Variants in TMPRSS9 observed in about 807,000 individuals in gnomAD.
The protein encoded by TMPRSS9 is transmembrane protease serine 9.
In TMPRSS9, 113 loss-of-function variants were observed where a neutral mutation model predicts 111.4. The ratio of observed to expected loss-of-function variants is 1.01; its 90% CI spans 0.87 to 1.19. The LOEUF (loss-of-function observed/expected upper bound fraction) is 1.19, where lower values mean the gene tolerates loss of function less well. TMPRSS9 is among the 50% of genes most tolerant of loss of function. The pLI, the probability that TMPRSS9 is intolerant of heterozygous loss-of-function variation, is 0.00. For missense variants in TMPRSS9, 1,803 were observed against 1,513.1 expected, an observed-to-expected ratio of 1.19 and a Z score of -3.18; for synonymous variants, 805 against 659.1, an observed-to-expected ratio of 1.22 and a Z score of -3.39.
chr19:2,405,639 GCC>G (rs1970952905), intron 7 of TMPRSS9, 94 bp downstream of exon 8: 1 of 1,308,620 alleles, frequency 7.6e-7, no homozygotes, highest in Admixed American at 3.1e-5. Context: ...TTTCCTTAGA[GCC>G]CCTGGAAGTA....
intron 7 of TMPRSS9, among the ~76,000 whole-genome samples, chr19:2,407,333 C>G (rs948937992): frequency 1.3e-5 from 2 of 151,366 alleles, no homozygotes; most frequent in Non-Finnish European, 2.9e-5. Flanking sequence ...ACCAGCCTGG[C>G]CAACATGGTG....
chr19:2,363,403 C>T (rs1029274805), intron 1 of TMPRSS9, among the ~76,000 whole-genome samples: 5 of 149,982 alleles, frequency 3.3e-5, no homozygotes, highest in South Asian at 2.1e-4. Context: ...TTTGCGGAGA[C>T]GTGGAGGCAT....
At chr19:2,403,627 C>T (rs1242182915) in intron 6 of TMPRSS9, among the ~76,000 whole-genome samples, 2 of 151,036 alleles carry the variant, frequency 1.3e-5, no homozygotes, top group Admixed American at 1.3e-4. Context: ...GAGGCCAAGG[C>T]AGGAGGATCA....
At chr19:2,406,206 G>A (rs1189761481) in intron 7 of TMPRSS9, among the ~76,000 whole-genome samples, 1 of 150,102 alleles carries the variant, frequency 6.7e-6, no homozygotes, top group Admixed American at 6.7e-5. Context: ...TTTTAGTAGA[G>A]TCGGGGTTTC....
chr19:2,387,423 A>G (rs1340444727), upstream of TMPRSS9, among the ~76,000 whole-genome samples: 1 of 152,066 alleles, frequency 6.6e-6, no homozygotes, highest in Non-Finnish European at 1.5e-5. Context: ...TGAACCTGGG[A>G]GGCAGAGGTT....
chr19:2,374,285 TA>T (rs1970313239), intron 1 of TMPRSS9, among the ~76,000 whole-genome samples: 1 of 108,522 alleles, frequency 9.2e-6, no homozygotes, highest in Non-Finnish European at 1.8e-5. Flanking sequence ...TTTTTTTTTT[TA>T]AAGAGGTAGG....
intron 11 of TMPRSS9, 159 bp from the exon 13 acceptor site, chr19:2,416,379 T>C (rs12462262): frequency 0.19 from 184,770 of 960,700 alleles, 18,856 homozygotes; most frequent in African/African-American, 0.23. Flanking sequence ...GCAGCCCCTC[T>C]TTCCCTGGTC....
intron 1 of TMPRSS9, among the ~76,000 whole-genome samples, chr19:2,371,811 C>T (rs751382222): frequency 6.6e-6 from 1 of 152,082 alleles, no homozygotes; most frequent in African/African-American, 2.4e-5. Flanking sequence ...CAGGGACTCT[C>T]ACCCCATCAC....
chr19:2,417,999 T>C lies in TMPRSS9; in HGVS notation c.2018-3T>C. The C allele has an allele frequency of 2.5e-6, 4 of 1,611,178 alleles. No homozygotes were observed. Among genetic ancestry groups the C allele is most frequent in the East Asian group, 4.5e-5 (2 of 44,850 alleles). ...GTGGCCTTTCTGGCTCTTTCCCTGG[T>C]AGCCACCAAGCCCGAGCTCCTGCAG... On this transcript the variant is annotated splice_polypyrimidine_tract_variant and splice_region_variant and intron_variant, in intron 12 of 17. Transcript: ENST00000648592.
intron 15 of TMPRSS9, among the ~76,000 whole-genome samples, 154 bp from the exon 17 acceptor site, chr19:2,424,848 T>G (rs1568194649): frequency 6.6e-6 from 1 of 151,762 alleles, no homozygotes; most frequent in Non-Finnish European, 1.5e-5. Flanking sequence ...CGGTGCCTGA[T>G]GGGGGAGACT....
At chr19:2,401,018 T>C (rs1599295377) in intron 4 of TMPRSS9, among the ~76,000 whole-genome samples, 1 of 150,088 alleles carries the variant, frequency 6.7e-6, no homozygotes, top group Non-Finnish European at 1.5e-5. Context: ...CTTACGCCTG[T>C]AATCCCAGCA....
chr19:2,393,635 C>T (rs1383330837), intron 1 of TMPRSS9, among the ~76,000 whole-genome samples: 3 of 152,162 alleles, frequency 2.0e-5, no homozygotes, highest in Admixed American at 1.3e-4. Flanking sequence ...CATAGTAGCT[C>T]ACCCCGGTAA....
At chr19:2,410,715 A>ATCT (rs2145358878) in intron 9 of TMPRSS9, among the ~76,000 whole-genome samples, 1 of 152,078 alleles carries the variant, frequency 6.6e-6, no homozygotes, top group South Asian at 2.1e-4. Flanking sequence ...GGTGCGTGCC[A>ATCT]CAGAGCCTGG....
chr19:2,371,583 G>A lies in TMPRSS9; in HGVS notation c.-26+11223G>A, dbSNP rs1360152522. ...GTGGTGACGGGCACCTATAATCTCC[G>A]CTACCTGGGAGGCTGAGGCAGGAGA... On this transcript the variant is annotated intron_variant, in intron 1 of 17. Transcript: ENST00000649857. Among the ~76,000 whole-genome samples, 6 of 152,046 alleles carry A rather than the reference G, an allele frequency of 3.9e-5. No individual in the cohort carries two copies. In the South Asian group the frequency reaches 8.3e-4, roughly 21 times the overall value.
chr19:2,390,552 T>A (rs963430900), intron 1 of TMPRSS9, among the ~76,000 whole-genome samples: 2 of 149,882 alleles, frequency 1.3e-5, no homozygotes, highest in Non-Finnish European at 1.5e-5. Flanking sequence ...CCCAAAAGTA[T>A]TTTTATAAAA....
At chr19:2,416,230 C>G (rs935968306) in intron 11 of TMPRSS9, 2 of 463,198 alleles carry the variant, frequency 4.3e-6, no homozygotes, top group African/African-American at 2.0e-5. Flanking sequence ...AGAGCGAGAC[C>G]CTGTCTCAAC....
chr19:2,379,621 CTTTCTT>C (rs1568170735), intron 1 of TMPRSS9, among the ~76,000 whole-genome samples: 11 of 128,464 alleles, frequency 8.6e-5, no homozygotes, highest in Admixed American at 1.6e-4. Context: ...CTTTCTCTTT[CTTTCTT>C]TCTTTCTTTC....
rs1341858902 is a variant in TMPRSS9 at position 2,398,149 on chromosome 19, AGCCACGCATGGTGGTGTGT to A, written c.271-642_271-624del. On this transcript the variant is annotated intron_variant, in intron 2 of 17. Transcript: ENST00000648592. ...TCCCTACTAAAAAATACAAAAAATT[AGCCACGCATGGTGGTGTGT>A]GCCTGTAATCCCAGCTACTTGGGAG... 2.3e-3 allele frequency among the ~76,000 whole-genome samples: 343 copies of A among 149,800 alleles called. 2 individuals carry two copies. The highest frequency in any genetic ancestry group is 8.0e-3 in the African/African-American group (327 of 40,816).
At chr19:2,374,580 GAA>G (rs969460430) in intron 1 of TMPRSS9, among the ~76,000 whole-genome samples, 2 of 151,388 alleles carry the variant, frequency 1.3e-5, no homozygotes, top group African/African-American at 4.9e-5. Context: ...CTCAAAAAAA[GAA>G]AAAAAAGAAA....
Sources: gnomAD v4.1 joint callset for allele counts (sites outside exome capture counted in the v4.1 genomes callset) on GRCh38, gnomAD v4.1.1 for gene constraint, MANE v1.5 for transcripts, NCBI Gene and HGNC (gene_info 2026-07-23, HGNC 2026-07-21) for gene names.